Variants in TUBD1 observed in about 807,000 individuals in gnomAD.
TUBD1 encodes the protein tubulin delta 1, also known as tubulin delta chain.
In TUBD1, 38 loss-of-function variants were observed where a neutral mutation model predicts 51.2. The ratio of observed to expected loss-of-function variants is 0.74; its 90% CI spans 0.57 to 0.97. The LOEUF is 0.97. TUBD1 is among the 50% of genes least tolerant of loss of function. TUBD1 has a pLI of 0.00. For synonymous variants in TUBD1, 169 were observed against 178.2 expected (o/e 0.95, Z 0.41); for missense variants, 489 against 538.4 (o/e 0.91, Z 0.91).
At chr17:59,863,995 A>T in intron 7 of TUBD1, 148 bp from the exon 8 acceptor site, 1 of 660,704 alleles carries the variant, frequency 1.5e-6, no homozygotes, top group South Asian at 3.5e-5. Context: ...GACTTCCAGA[A>T]ATTTAGGAGG....
Position 59,886,202 on chromosome 17 carries a change from G to A in TUBD1, c.201C>T (p.Asp67=), listed in dbSNP as rs1206434095. 6.2e-7 allele frequency: 1 copy of A among 1,613,236 alleles called. No individual in the cohort carries two copies. The highest frequency in any genetic ancestry group is 8.5e-7 in the Non-Finnish European group (1 of 1,179,882). ...TTTGATTGATAACTTTGGGTTCCAT[G>A]TCAACAAGAACAGCCCGGGCAATTG... ...GVPIARAVLV[D]MEPKVINQML... is the part of the protein sequence containing the mutation. The change falls in exon 3 of 9, where the codon GAC becomes GAT. Residue 67 remains aspartate, a synonymous_variant. Transcript: ENST00000325752.
In TUBD1 at chr17:59,874,581, G is replaced by T. The variant is rs767085232; in HGVS notation, c.892C>A (p.His298Asn). 6.2e-7 allele frequency: 1 copy of T among 1,613,298 alleles called. No homozygotes were observed. Among genetic ancestry groups the T allele is most frequent in the Non-Finnish European group, 8.5e-7 (1 of 1,179,884 alleles). The stretch of plus-strand genomic sequence containing the variant: ...TTAGAAATGAGCATCTGTCTCAAAT[G>T]CTTGAGGAGGCCAGCCCAAGTAAAT... The part of the protein sequence containing the change: ...TTFTWAGLLK[H>N]LRQMLISNAK... Residue 298 changes from histidine to asparagine, a missense_variant, in exon 6 of 9, where the codon CAT (histidine) becomes AAT (asparagine). By Grantham distance (68) the His-to-Asn change is moderately conservative. Coordinates refer to ENST00000325752, the MANE Select transcript of TUBD1 (RefSeq NM_016261.4).
At chr17:59,862,557 G>C (rs1181687899) in intron 8 of TUBD1, among the ~76,000 whole-genome samples, 1 of 150,426 alleles carries the variant, frequency 6.6e-6, no homozygotes, top group Non-Finnish European at 1.5e-5. Context: ...ATTTTTTTTT[G>C]AGATGGAGTC....
In TUBD1 at chr17:59,883,747, C is replaced by T. The variant is rs376231043; in HGVS notation, c.320+2336G>A. On this transcript the variant is annotated intron_variant, in intron 3 of 8. Transcript: ENST00000325752. Reference sequence around the variant, plus strand: ...TAAAATTTTTTCGTAGCGATAGGGCCTCCCTTTGTTGCCTAGGGTGGACTT... The same window carrying T: ...TAAAATTTTTTCGTAGCGATAGGGCTTCCCTTTGTTGCCTAGGGTGGACTT... Among the ~76,000 whole-genome samples, 10 of 151,872 alleles carry T rather than the reference C, an allele frequency of 6.6e-5. No individual in the cohort carries two copies. In the East Asian group the frequency reaches 7.8e-4, roughly 12 times the overall value.
At chr17:59,884,982 GAAT>G in intron 3 of TUBD1, 2 of 245,686 alleles carry the variant, frequency 8.1e-6, no homozygotes, top group Non-Finnish European at 1.6e-5. Flanking sequence ...ACTTAAATCA[GAAT>G]CTCAGCAGAA....
intron 4 of TUBD1, chr17:59,878,652 G>C (rs1472863485): frequency 4.2e-6 from 1 of 238,550 alleles, no homozygotes; most frequent in Non-Finnish European, 8.3e-6. Flanking sequence ...GCTAATTTTT[G>C]TGTTTTTAGT....
Position 59,886,181 on chromosome 17 carries a change from A to G in TUBD1, c.222T>C (p.Asn74=). 1 of 1,613,948 alleles carries G rather than the reference A, an allele frequency of 6.2e-7. No individual in the cohort carries two copies. The highest frequency in any genetic ancestry group is 2.2e-5 in the East Asian group (1 of 44,878). Reference sequence around the variant, plus strand: ...ACTGGGCAGCCTTTGACAGCATTTGATTGATAACTTTGGGTTCCATGTCAA... The same window carrying G: ...ACTGGGCAGCCTTTGACAGCATTTGGTTGATAACTTTGGGTTCCATGTCAA... ...VLVDMEPKVI[N]QMLSKAAQSG... The change falls in exon 3 of 9, where the codon AAT becomes AAC. Residue 74 remains asparagine (N), a synonymous_variant. Transcript: ENST00000325752.
chr17:59,874,448 A>G, intron 6 of TUBD1, 91 bp downstream of exon 6: 1 of 1,304,286 alleles, frequency 7.7e-7, no homozygotes, highest in Admixed American at 2.5e-5. Context: ...AGGGACCATT[A>G]TTTAAACTGG....
intron 1 of TUBD1, among the ~76,000 whole-genome samples, chr17:59,891,463 G>T (rs905415428): frequency 6.6e-6 from 1 of 152,042 alleles, no homozygotes; most frequent in African/African-American, 2.4e-5. Flanking sequence ...TGCCACATAC[G>T]TATATAATAT....
At chr17:59,879,082 CT>C (rs2040360811) in intron 4 of TUBD1, among the ~76,000 whole-genome samples, 1 of 151,918 alleles carries the variant, frequency 6.6e-6, no homozygotes, top group Admixed American at 6.6e-5. Context: ...CAAGACCAGC[CT>C]GACCAACATG....
intron 3 of TUBD1, among the ~76,000 whole-genome samples, chr17:59,881,444 C>G (rs1598556206): frequency 6.6e-6 from 1 of 152,288 alleles, no homozygotes; most frequent in East Asian, 1.9e-4. Context: ...AACAGGCGAA[C>G]AGGACTGCTA....
At chr17:59,865,511 CA>C (rs2039655452) in intron 7 of TUBD1, among the ~76,000 whole-genome samples, 1 of 152,074 alleles carries the variant, frequency 6.6e-6, no homozygotes, top group African/African-American at 2.4e-5. Context: ...ACCTGGGAGG[CA>C]GAGGTTGCAG....
chr17:59,871,348 C>T (rs2039974333), intron 6 of TUBD1, among the ~76,000 whole-genome samples: 1 of 151,894 alleles, frequency 6.6e-6, no homozygotes, highest in South Asian at 2.1e-4. Flanking sequence ...TACAGGCGCC[C>T]GCCACCATGC....
At position 59,891,040 on chromosome 17, in the gene TUBD1, A is replaced by C; in HGVS notation, c.-38T>G. ...ACTAGGTGTATTACCTCTAAAAACAACCTGTAATCGAAAAAAATACGCTTT... is the reference window on the plus strand; with the variant it reads ...ACTAGGTGTATTACCTCTAAAAACACCCTGTAATCGAAAAAAATACGCTTT... On this transcript the variant is annotated splice_region_variant and 5_prime_UTR_variant, in exon 2 of 9. Transcript: ENST00000325752. The C allele has an allele frequency of 3.9e-6, 6 of 1,543,650 alleles. No individual in the cohort carries two copies. Among genetic ancestry groups the C allele is most frequent in the Non-Finnish European group, 5.3e-6 (6 of 1,140,120 alleles).
chr17:59,881,186 C>G, intron 3 of TUBD1, 76 bp from the exon 4 acceptor site: 1 of 1,275,812 alleles, frequency 7.8e-7, no homozygotes, highest in Non-Finnish European at 1.1e-6. Flanking sequence ...GAGAAAGATA[C>G]AGGATAGAGA....
At chr17:59,880,523 ATTTT>A (rs562333309) in intron 4 of TUBD1, among the ~76,000 whole-genome samples, 15 of 151,230 alleles carry the variant, frequency 9.9e-5, no homozygotes, top group African/African-American at 2.9e-4. Context: ...TTATTTATTT[ATTTT>A]TTTTTGAGAC....
intron 4 of TUBD1, chr17:59,878,612 T>G: frequency 3.2e-6 from 1 of 309,150 alleles, no homozygotes; most frequent in South Asian, 4.1e-5. Flanking sequence ...CCCGAGCAGC[T>G]GGAATTACAG....
At chr17:59,880,841 AT>A (rs1852557420) in intron 4 of TUBD1, 52 bp downstream of exon 4, 1 of 1,530,680 alleles carries the variant, frequency 6.5e-7, no homozygotes, top group African/African-American at 1.4e-5. Context: ...ACCCATATTT[AT>A]TTCTATTGCA....
At chr17:59,867,620 C>T (rs1258794593) in intron 6 of TUBD1, among the ~76,000 whole-genome samples, 1 of 151,972 alleles carries the variant, frequency 6.6e-6, no homozygotes, top group Non-Finnish European at 1.5e-5. Context: ...CCCAGGAGGT[C>T]GAGGCTACAG....
Sources: gnomAD v4.1 joint callset for allele counts (sites outside exome capture counted in the v4.1 genomes callset) on GRCh38, gnomAD v4.1.1 for gene constraint, MANE v1.5 for transcripts, NCBI Gene and HGNC (gene_info 2026-07-23, HGNC 2026-07-21) for gene names.